Variants in TENT5A observed in about 807,000 individuals in gnomAD.
TENT5A encodes HBV X-transactivated gene 11 protein.
TENT5A carries 9 observed loss-of-function variants against 30.2 expected under a neutral mutation model. The ratio of observed to expected loss-of-function variants is 0.30; its 90% CI spans 0.18 to 0.52. The LOEUF (loss-of-function observed/expected upper bound fraction) is 0.52, where lower values mean the gene tolerates loss of function less well. TENT5A is among the 20% of genes least tolerant of loss of function. TENT5A has a pLI of 0.97. For missense variants in TENT5A, 411 were observed against 566.1 expected (o/e 0.73, Z 2.78); for synonymous variants, 264 against 234.2 (o/e 1.13, Z -1.16).
Position 81,751,928 on chromosome 6 carries a change from G to C in TENT5A, c.214C>G (p.Gln72Glu). 2 of 1,612,602 alleles carry C rather than the reference G, an allele frequency of 1.2e-6. No individual in the cohort carries two copies. Among genetic ancestry groups the C allele is most frequent in the Non-Finnish European group, 1.7e-6 (2 of 1,179,628 alleles). The change falls in exon 2 of 3, where the codon CAG becomes GAG. Residue 72 changes from glutamine (Q) to glutamate (E), a missense_variant. Gln to Glu is a conservative substitution (Grantham distance 29). Around this residue, in one of 5 missense-constraint regions of TENT5A, gnomAD observed 157 missense variants for 183.2 expected, o/e 0.86. Transcript: ENST00000320172. ...TCGCTCAGGATGCCGTCCAGCCGCT[G>C]CACTTGCTCCCAGTTCAGCACATTG... ...HCNVLNWEQVQRLDGILSETI... is the reference protein window; with the variant it reads ...HCNVLNWEQVERLDGILSETI...
In TENT5A at chr6:81,746,232, T is replaced by A. The variant is rs1344526129; in HGVS notation, c.*3463A>T. The A allele has an allele frequency of 1.8e-6, 2 of 1,131,972 alleles. No individual in the cohort carries two copies. Among genetic ancestry groups the A allele is most frequent in the East Asian group, 8.9e-5 (2 of 22,360 alleles). The allele number at this position is 1,131,972 out of a possible 1,614,324, so 70.1% of individuals were successfully genotyped here. On this transcript the variant is annotated 3_prime_UTR_variant, in exon 3 of 3. Transcript: ENST00000320172. ...TTTTGGTTTCACCTAACACACTTCA[T>A]CTTCAACAACAACAAAAAAGCTTAT...
Position 81,747,267 on chromosome 6 carries a change from C to A in TENT5A, c.*2428G>T, listed in dbSNP as rs3828760. The A allele has an allele frequency of 1.0e-5, 10 of 985,558 alleles. No homozygotes were observed. The highest frequency in any genetic ancestry group is 1.2e-5 in the Non-Finnish European group (10 of 829,856). The allele number at this position is 985,558 out of a possible 1,614,324, so 61.1% of individuals were successfully genotyped here. A position where few individuals can be genotyped will look rare whatever the true frequency, so the allele number is the denominator to read the frequency against. On this transcript the variant is annotated 3_prime_UTR_variant, in exon 3 of 3. Coordinates refer to ENST00000320172, the MANE Select transcript of TENT5A (RefSeq NM_017633.3). ...GAAAACTTTGAAACAACTAAGCAGG[C>A]GGAGCTCTGGTTTCTGATAGGTGAG...
chr6:81,749,381 A>G lies in TENT5A; in HGVS notation c.*314T>C. 1 of 1,108,114 alleles carries G rather than the reference A, an allele frequency of 9.0e-7. No individual in the cohort carries two copies. 68.6% of individuals were successfully genotyped at this position (1,108,114 alleles called of 1,614,324 possible). A position where few individuals can be genotyped will look rare whatever the true frequency, so the allele number is the denominator to read the frequency against. ...CTATGGGAGCAGATACAGCAAACCC[A>G]TATTGTCATCACACATTTCTTCTCT... On this transcript the variant is annotated 3_prime_UTR_variant, in exon 3 of 3. Transcript: ENST00000320172.
chr6:81,747,118 A>AT lies in TENT5A; in HGVS notation c.*2576dup. On this transcript the variant is annotated 3_prime_UTR_variant, in exon 3 of 3. Coordinates refer to ENST00000320172, the MANE Select transcript of TENT5A (RefSeq NM_017633.3). ...TATAAATTAACAGCAGGTTATTGTT[A>AT]TGGCAGAGTCAGAGACCTCCAGACT... 1 of 985,272 alleles carries AT rather than the reference A, an allele frequency of 1.0e-6. No homozygotes were observed. Among genetic ancestry groups the AT allele is most frequent in the Non-Finnish European group, 1.2e-6 (1 of 829,766 alleles). 61.0% of individuals were successfully genotyped at this position (985,272 alleles called of 1,614,324 possible). A position where few individuals can be genotyped will look rare whatever the true frequency, so the allele number is the denominator to read the frequency against.
chr6:81,746,135 C>A lies in TENT5A; in HGVS notation c.*3560G>T. ...AGATTCTTTCTTAGCACTGAAAATG[C>A]TATGCTAAAAGAAATTTTAAAGAAA... On this transcript the variant is annotated 3_prime_UTR_variant, in exon 3 of 3. Transcript: ENST00000320172. 1.0e-6 allele frequency: 1 copy of A among 983,684 alleles called. No individual in the cohort carries two copies. Among genetic ancestry groups the A allele is most frequent in the Non-Finnish European group, 1.2e-6 (1 of 826,038 alleles). 60.9% of individuals were successfully genotyped at this position (983,684 alleles called of 1,614,324 possible). A position where few individuals can be genotyped will look rare whatever the true frequency, so the allele number is the denominator to read the frequency against.
rs191664189 is a variant in TENT5A, at chr6:81,749,041, C to G, written c.*654G>C. The G allele has an allele frequency of 1.0e-4, 103 of 985,802 alleles. No homozygotes were observed. The African/African-American group carries it at 1.7e-3, about 17-fold the overall frequency. 61.1% of individuals were successfully genotyped at this position (985,802 alleles called of 1,614,324 possible). A position where few individuals can be genotyped will look rare whatever the true frequency, so the allele number is the denominator to read the frequency against. ...TTACATTTTAAAAATGTGATCTATGCACGCAGCTGGAATTAATGGATTGTG... is the reference window on the plus strand; with the variant it reads ...TTACATTTTAAAAATGTGATCTATGGACGCAGCTGGAATTAATGGATTGTG... On this transcript the variant is annotated 3_prime_UTR_variant, in exon 3 of 3. Transcript: ENST00000320172.
chr6:81,750,052 G>A lies in TENT5A; in HGVS notation c.972C>T (p.Ile324=). ...GCTGCTCTCCAATGTCTGAGAAGTC[G>A]ATGAAAAACCTGGAACACATATACC... ...LQRYMCSRFF[I]DFSDIGEQQR... Residue 324 remains isoleucine (I), a synonymous_variant, in exon 3 of 3, where the codon ATC becomes ATT. Coordinates refer to ENST00000320172, the MANE Select transcript of TENT5A (RefSeq NM_017633.3). This position sits in a 1 kb window ranked among gnomAD's most constrained non-coding sequence, Gnocchi z 4.2. The A allele has an allele frequency of 6.2e-7, 1 of 1,614,102 alleles. No homozygotes were observed. The highest frequency in any genetic ancestry group is 8.5e-7 in the Non-Finnish European group (1 of 1,180,014).
Position 81,747,164 on chromosome 6 carries a change from C to T in TENT5A, c.*2531G>A. Reference sequence around the variant, plus strand: ...AGACTCTTTAAAATAGTAGACGACTCATTTGTCAAGAGTTAGGGTAAGAAA... The same window carrying T: ...AGACTCTTTAAAATAGTAGACGACTTATTTGTCAAGAGTTAGGGTAAGAAA... On this transcript the variant is annotated 3_prime_UTR_variant, in exon 3 of 3. Coordinates refer to ENST00000320172, the MANE Select transcript of TENT5A (RefSeq NM_017633.3). 1.0e-6 allele frequency: 1 copy of T among 985,412 alleles called. No homozygotes were observed. Among genetic ancestry groups the T allele is most frequent in the Non-Finnish European group, 1.2e-6 (1 of 829,916 alleles). The allele number at this position is 985,412 out of a possible 1,614,324, so 61.0% of individuals were successfully genotyped here.
Position 81,751,866 on chromosome 6 carries a change from C to T in TENT5A, c.276G>A (p.Thr92=). 1.9e-6 allele frequency: 3 copies of T among 1,613,118 alleles called. No individual in the cohort carries two copies. Among genetic ancestry groups the T allele is most frequent in the Non-Finnish European group, 2.5e-6 (3 of 1,179,900 alleles). The change falls in exon 2 of 3, where the codon ACG becomes ACA. Residue 92 remains threonine, a synonymous_variant. Coordinates refer to ENST00000320172, the MANE Select transcript of TENT5A (RefSeq NM_017633.3). The part of the protein sequence containing the change: ...IPIHGRGNFP[T]LELQPSLIVK... ...CGATCAGGCTCGGCTGCAGCTCGAGCGTGGGGAAGTTGCCGCGCCCGTGAA... is the reference window on the plus strand; with the variant it reads ...CGATCAGGCTCGGCTGCAGCTCGAGTGTGGGGAAGTTGCCGCGCCCGTGAA...
In TENT5A at chr6:81,747,077, A is replaced by G. The variant is rs1768900104; in HGVS notation, c.*2618T>C. 4.1e-6 allele frequency: 4 copies of G among 984,272 alleles called. No individual in the cohort carries two copies. Among genetic ancestry groups the G allele is most frequent in the Admixed American group, 6.1e-5 (1 of 16,264 alleles). The allele number at this position is 984,272 out of a possible 1,614,324, so 61.0% of individuals were successfully genotyped here. A position where few individuals can be genotyped will look rare whatever the true frequency, so the allele number is the denominator to read the frequency against. On this transcript the variant is annotated 3_prime_UTR_variant, in exon 3 of 3. Coordinates refer to ENST00000320172, the MANE Select transcript of TENT5A (RefSeq NM_017633.3). ...AGTGTATTTCAAATAAGGCTCTTCCAAACAAAAATCTGTGTTATAAATTAA... is the reference window on the plus strand; with the variant it reads ...AGTGTATTTCAAATAAGGCTCTTCCGAACAAAAATCTGTGTTATAAATTAA...
In TENT5A at chr6:81,746,902, A is replaced by T; in HGVS notation, c.*2793T>A. The T allele has an allele frequency of 3.1e-5, 32 of 1,044,540 alleles. No homozygotes were observed. Among genetic ancestry groups the T allele is most frequent in the Non-Finnish European group, 3.6e-5 (31 of 868,944 alleles). The allele number at this position is 1,044,540 out of a possible 1,614,324, so 64.7% of individuals were successfully genotyped here. ...ACTATAGTACACACAAAATAGAAAT[A>T]AATTATATAAGTCTTAAAGTAAATG... On this transcript the variant is annotated 3_prime_UTR_variant, in exon 3 of 3. Transcript: ENST00000320172.
At chr6:81,752,200 C>G (rs1769059032) in intron 1 of TENT5A, 22 bp from the exon 2 acceptor site, 3 of 1,478,802 alleles carry the variant, frequency 2.0e-6, no homozygotes, top group African/African-American at 2.9e-5. Flanking sequence ...GGGAAAGGAG[C>G]GCGGTGAGGA....
chr6:81,745,934 G>C lies in TENT5A; in HGVS notation c.*3761C>G. ...ACCCAAGGTGCAGCTTGCTGCAACAGAACACCTCAAAGCAGGCATGATTGT... is the reference window on the plus strand; with the variant it reads ...ACCCAAGGTGCAGCTTGCTGCAACACAACACCTCAAAGCAGGCATGATTGT... On this transcript the variant is annotated 3_prime_UTR_variant, in exon 3 of 3. Coordinates refer to ENST00000320172, the MANE Select transcript of TENT5A (RefSeq NM_017633.3). The C allele has an allele frequency of 1.0e-6, 1 of 985,642 alleles. No homozygotes were observed. The highest frequency in any genetic ancestry group is 1.2e-6 in the Non-Finnish European group (1 of 829,938). 61.1% of individuals were successfully genotyped at this position (985,642 alleles called of 1,614,324 possible).
chr6:81,752,356 C>T (rs111256760), intron 1 of TENT5A, 75 bp downstream of exon 1: 12 of 1,549,500 alleles, frequency 7.7e-6, no homozygotes, highest in East Asian at 4.9e-5. Context: ...CGCACCGCGC[C>T]CCGCAGAGCA....
chr6:81,752,027 C>CGCCGAAGTCGCCGCA lies in TENT5A; in HGVS notation c.114_115insTGCGGCGACTTCGGC (p.Gly38_Gly39insCysGlyAspPheGly), dbSNP rs1769051255. On this transcript the variant is annotated inframe_insertion, in exon 2 of 3. Coordinates refer to ENST00000320172, the MANE Select transcript of TENT5A (RefSeq NM_017633.3). Reference sequence around the variant, plus strand: ...CTGCCGCCACCGCCGAAGTCGCCGCCGCCGAAGTCGCCGCCGCCGAAGTCG... The same window carrying CGCCGAAGTCGCCGCA: ...CTGCCGCCACCGCCGAAGTCGCCGCCGCCGAAGTCGCCGCAGCCGAAGTCGCCGCCGCCGAAGTCG... 1.3e-6 allele frequency: 2 copies of CGCCGAAGTCGCCGCA among 1,576,242 alleles called. No individual in the cohort carries two copies. The highest frequency in any genetic ancestry group is 2.2e-5 in the South Asian group (2 of 89,126).
Position 81,749,088 on chromosome 6 carries a change from G to A in TENT5A, c.*607C>T, listed in dbSNP as rs1244081808. 1.0e-6 allele frequency: 1 copy of A among 985,772 alleles called. No homozygotes were observed. The highest frequency in any genetic ancestry group is 1.7e-5 in the African/African-American group (1 of 57,332). 61.1% of individuals were successfully genotyped at this position (985,772 alleles called of 1,614,324 possible). A position where few individuals can be genotyped will look rare whatever the true frequency, so the allele number is the denominator to read the frequency against. On this transcript the variant is annotated 3_prime_UTR_variant, in exon 3 of 3. Transcript: ENST00000320172. ...TGTGTCATCATAAGTTCTGCTGATT[G>A]TTACGAGAACTGCACCAACCTACTA...
In TENT5A at chr6:81,747,876, G is replaced by A. The variant is rs1398291105; in HGVS notation, c.*1819C>T. The A allele has an allele frequency of 4.1e-6, 4 of 985,460 alleles. No homozygotes were observed. The highest frequency in any genetic ancestry group is 4.7e-5 in the South Asian group (1 of 21,282). The allele number at this position is 985,460 out of a possible 1,614,324, so 61.0% of individuals were successfully genotyped here. A position where few individuals can be genotyped will look rare whatever the true frequency, so the allele number is the denominator to read the frequency against. On this transcript the variant is annotated 3_prime_UTR_variant, in exon 3 of 3. Coordinates refer to ENST00000320172, the MANE Select transcript of TENT5A (RefSeq NM_017633.3). Reference sequence around the variant, plus strand: ...GCTGTTATTGAACTGAAATAGTAATGCCAGTTCATTTCACAAAGGTATAAC... The same window carrying A: ...GCTGTTATTGAACTGAAATAGTAATACCAGTTCATTTCACAAAGGTATAAC...
In TENT5A at chr6:81,750,191, T is replaced by C; in HGVS notation, c.833A>G (p.Lys278Arg). Residue 278 changes from lysine (K) to arginine (R), a missense_variant, in exon 3 of 3, where the codon AAG (lysine) becomes AGG (arginine). This residue lies in a region of TENT5A where 135 missense variants were observed against 240.0 expected (regional missense o/e 0.56). Coordinates refer to ENST00000320172, the MANE Select transcript of TENT5A (RefSeq NM_017633.3). The surrounding 1 kb of genome is among the most constrained non-coding windows in gnomAD (Gnocchi z 4.2). ...CTCTGGGTTCCTGGTGGCAATGATC[T>C]TGTTACAAAGGTGATCAAAGGCTTC... The part of the protein sequence containing the change: ...FQEAFDHLCN[K>R]IIATRNPEEI... The C allele has an allele frequency of 6.2e-7, 1 of 1,614,156 alleles. No individual in the cohort carries two copies. The highest frequency in any genetic ancestry group is 8.5e-7 in the Non-Finnish European group (1 of 1,180,016).
Position 81,747,430 on chromosome 6 carries a change from C to T in TENT5A, c.*2265G>A. 3 of 985,606 alleles carry T rather than the reference C, an allele frequency of 3.0e-6. No homozygotes were observed. Among genetic ancestry groups the T allele is most frequent in the South Asian group, 4.7e-5 (1 of 21,288 alleles). The allele number at this position is 985,606 out of a possible 1,614,324, so 61.1% of individuals were successfully genotyped here. A position where few individuals can be genotyped will look rare whatever the true frequency, so the allele number is the denominator to read the frequency against. On this transcript the variant is annotated 3_prime_UTR_variant, in exon 3 of 3. Transcript: ENST00000320172. ...CTTAGAAAACTGAGTGGCAGTGCAG[C>T]GGCTGTTGCAGCTCTGACAGAATTC...
Sources: allele counts gnomAD v4.1 joint callset, GRCh38; gene constraint gnomAD v4.1.1; regional missense constraint gnomAD v4.1.1; non-coding constraint Gnocchi (gnomAD v3.1); transcripts MANE v1.5; gene names NCBI Gene and HGNC (gene_info 2026-07-23, HGNC 2026-07-21).